The following KLHDC4 variants were observed in gnomAD, a reference collection of about 807,000 sequenced individuals.
KLHDC4 encodes kelch domain containing 4.
Under a neutral mutation model 62.4 loss-of-function variants are expected in KLHDC4, and 90 were observed. That is an observed-to-expected ratio of 1.44 (90% CI 1.22 to 1.72). The LOEUF is 1.72. Among genes scored for constraint, KLHDC4 ranks in the 40% most tolerant of loss-of-function variants. The pLI, the probability that KLHDC4 is intolerant of heterozygous loss-of-function variation, is 0.00. For missense variants in KLHDC4, 1,025 were observed against 699.7 expected, an observed-to-expected ratio of 1.47 and a Z score of -5.25; for synonymous variants, 386 against 284.4, an observed-to-expected ratio of 1.36 and a Z score of -3.59.
chr16:87,706,188 G>T (rs1352771337), downstream of KLHDC4, among the ~76,000 whole-genome samples: 6 of 118,216 alleles, frequency 5.1e-5, no homozygotes, highest in Admixed American at 8.5e-5. Flanking sequence ...CCTCGGGGGG[G>T]GGTCAGCGTA....
At chr16:87,744,712 G>A (rs530121774) in intron 5 of KLHDC4, among the ~76,000 whole-genome samples, 2 of 152,150 alleles carry the variant, frequency 1.3e-5, no homozygotes, top group African/African-American at 2.4e-5. Flanking sequence ...TAAAGCTACA[G>A]TAATTAAAAT....
chr16:87,743,150 G>A (rs573357290), intron 5 of KLHDC4: 1 of 152,232 alleles, frequency 6.6e-6, no homozygotes, highest in Non-Finnish European at 1.5e-5. Flanking sequence ...TTGTGGCCCA[G>A]GTTGCAGTAC....
At chr16:87,714,433 GT>G (rs2036525178) in intron 8 of KLHDC4, 64 bp downstream of exon 8, 2 of 1,602,640 alleles carry the variant, frequency 1.2e-6, no homozygotes, top group Non-Finnish European at 1.7e-6. Flanking sequence ...ATGGGAGGGT[GT>G]GGGCTCTGCC....
At chr16:87,751,354 A>C (rs1363474770) in intron 4 of KLHDC4, among the ~76,000 whole-genome samples, 2 of 152,062 alleles carry the variant, frequency 1.3e-5, no homozygotes, top group African/African-American at 4.8e-5. Context: ...TGCGCCTGTA[A>C]ACCCAGCTAC....
intron 5 of KLHDC4, among the ~76,000 whole-genome samples, chr16:87,733,224 T>C (rs2040704493): frequency 6.6e-6 from 1 of 152,234 alleles, no homozygotes; most frequent in Non-Finnish European, 1.5e-5. Flanking sequence ...TGGTTCTCAG[T>C]GGTTTTCTTG....
intron 5 of KLHDC4, among the ~76,000 whole-genome samples, chr16:87,744,283 C>T (rs745713315): frequency 3.9e-5 from 6 of 152,010 alleles, no homozygotes; most frequent in East Asian, 1.9e-4. Context: ...GGCATGGTGG[C>T]GGGCATCTGT....
chr16:87,755,386 T>G, intron 3 of KLHDC4, 94 bp from the exon 4 acceptor site: 1 of 707,494 alleles, frequency 1.4e-6, no homozygotes, highest in Non-Finnish European at 2.5e-6. Flanking sequence ...CCTGGGAAAC[T>G]GACATGCTAA....
intron 7 of KLHDC4, among the ~76,000 whole-genome samples, chr16:87,715,981 T>C (rs753646154): frequency 5.9e-5 from 9 of 152,238 alleles, no homozygotes; most frequent in Non-Finnish European, 1.0e-4. Flanking sequence ...TCATGGATAT[T>C]GACAGACTTT....
intron 6 of KLHDC4, among the ~76,000 whole-genome samples, chr16:87,728,067 A>G (rs1294811806): frequency 1.3e-5 from 2 of 152,126 alleles, no homozygotes; most frequent in Non-Finnish European, 2.9e-5. Context: ...GGTGCCTATA[A>G]TCCCAGCTAC....
At chr16:87,706,013 G>A (rs1277062063), downstream of KLHDC4, among the ~76,000 whole-genome samples, 1 of 151,960 alleles carries the variant, frequency 6.6e-6, no homozygotes, top group Non-Finnish European at 1.5e-5. Flanking sequence ...CTCTCAGGGG[G>A]TTGGCACAAG....
chr16:87,743,857 TA>T (rs1263162181), intron 5 of KLHDC4, among the ~76,000 whole-genome samples: 5 of 152,048 alleles, frequency 3.3e-5, no homozygotes, highest in African/African-American at 9.7e-5. Context: ...CTTAAATAAA[TA>T]AAAAAACCAA....
chr16:87,743,383 C>A (rs1042792883), intron 5 of KLHDC4, among the ~76,000 whole-genome samples: 19 of 152,314 alleles, frequency 1.2e-4, no homozygotes, highest in African/African-American at 4.6e-4. Context: ...GCATGAGCCA[C>A]TGCACCCGGC....
In KLHDC4 at chr16:87,756,490, C is replaced by G. The variant is rs1302528320; in HGVS notation, c.192-13G>C. On this transcript the variant is annotated splice_polypyrimidine_tract_variant and intron_variant, in intron 2 of 11. Transcript: ENST00000270583. ...GGAGGCATTTAACCTACAAGACACA[C>G]AAGCGGCAGGTCAGCAAGATCACCC... The G allele has an allele frequency of 6.2e-7, 1 of 1,609,202 alleles. No homozygotes were observed. Among genetic ancestry groups the G allele is most frequent in the South Asian group, 1.1e-5 (1 of 90,944 alleles).
At chr16:87,728,844 G>A (rs1032267386) in intron 6 of KLHDC4, among the ~76,000 whole-genome samples, 4 of 152,100 alleles carry the variant, frequency 2.6e-5, no homozygotes, top group South Asian at 2.1e-4. Context: ...CTGGGCATGC[G>A]GCTCACTTCA....
chr16:87,725,511 G>A (rs62055580), intron 7 of KLHDC4, among the ~76,000 whole-genome samples: 11,465 of 152,234 alleles, frequency 0.075, 589 homozygotes, highest in Non-Finnish European at 0.11. Context: ...GAGTATACAG[G>A]TGTTCCCCGT....
chr16:87,749,553 C>CAAAAAAAA (rs74585020), intron 4 of KLHDC4, among the ~76,000 whole-genome samples: 1 of 76,146 alleles, frequency 1.3e-5, no homozygotes, highest in Admixed American at 1.5e-4. Context: ...GACTCCATGT[C>CAAAAAAAA]AAAAAAAAAA....
intron 7 of KLHDC4, among the ~76,000 whole-genome samples, chr16:87,721,048 C>T (rs1040974372): frequency 2.0e-5 from 3 of 152,204 alleles, no homozygotes; most frequent in Admixed American, 1.3e-4. Context: ...TAACGGCCAA[C>T]GGCCACTCAA....
chr16:87,753,556 T>C (rs1026186345), intron 4 of KLHDC4, among the ~76,000 whole-genome samples: 1 of 151,962 alleles, frequency 6.6e-6, no homozygotes, highest in African/African-American at 2.4e-5. Context: ...TCTCAGCACT[T>C]TGGGAGGCCG....
intron 5 of KLHDC4, among the ~76,000 whole-genome samples, chr16:87,732,557 T>C (rs1452376430): frequency 2.0e-5 from 3 of 152,132 alleles, no homozygotes; most frequent in African/African-American, 2.4e-5. Flanking sequence ...ACACAAATAA[T>C]ACAATCACAC....
Sources: gnomAD v4.1 joint callset for allele counts (sites outside exome capture counted in the v4.1 genomes callset) on GRCh38, gnomAD v4.1.1 for gene constraint, MANE v1.5 for transcripts, NCBI Gene and HGNC (gene_info 2026-07-23, HGNC 2026-07-21) for gene names.